SEC14L1: variants seen among roughly 807,000 people sequenced by gnomAD.
The protein encoded by SEC14L1 is SEC14-like protein 1.
A neutral mutation model predicts 85.3 loss-of-function variants in SEC14L1; 48 were observed. The observed-to-expected ratio is 0.56, with a 90% CI of 0.45 to 0.72. SEC14L1 has a LOEUF of 0.72. SEC14L1 is among the 30% of genes least tolerant of loss of function. The pLI, the probability that SEC14L1 is intolerant of heterozygous loss-of-function variation, is 0.00. For synonymous variants in SEC14L1, 391 were observed against 355.5 expected (o/e 1.10, Z -1.12); for missense variants, 682 against 921.4 (o/e 0.74, Z 3.36).
At chr17:77,176,896 A>G (rs1383534785) in intron 3 of SEC14L1, among the ~76,000 whole-genome samples, 1 of 151,984 alleles carries the variant, frequency 6.6e-6, no homozygotes, top group Admixed American at 6.6e-5. Context: ...CAATTATGTT[A>G]TTTTTAACTA....
At chr17:77,194,653 C>G in intron 6 of SEC14L1, 24 bp from the exon 7 acceptor site, 1 of 1,581,532 alleles carries the variant, frequency 6.3e-7, no homozygotes, top group South Asian at 1.1e-5. Context: ...ATATACTCAC[C>G]TTTAAATTGG....
At chr17:77,140,559 T>C (rs1972951138), upstream of SEC14L1, among the ~76,000 whole-genome samples, 1 of 152,228 alleles carries the variant, frequency 6.6e-6, no homozygotes, top group African/African-American at 2.4e-5. Context: ...CCGGTGGTTT[T>C]GACCTCCCGC....
chr17:77,125,038 T>C (rs1017822393), intron 3 of SEC14L1, among the ~76,000 whole-genome samples: 17 of 151,324 alleles, frequency 1.1e-4, no homozygotes, highest in African/African-American at 4.1e-4. Context: ...AGAGTCTCGC[T>C]TTGTTGCTCA....
chr17:77,204,535 T>C (rs908404357), intron 10 of SEC14L1, among the ~76,000 whole-genome samples: 18 of 149,072 alleles, frequency 1.2e-4, no homozygotes, highest in African/African-American at 3.2e-4. Context: ...TTTTTTTTTT[T>C]TTTTTTTTTT....
intron 3 of SEC14L1, among the ~76,000 whole-genome samples, chr17:77,129,795 C>G (rs1972560362): frequency 6.6e-6 from 1 of 152,128 alleles, no homozygotes; most frequent in Non-Finnish European, 1.5e-5. Context: ...GATGTGGCCT[C>G]TGGTCTATAC....
At position 77,180,174 on chromosome 17, in the gene SEC14L1, G is replaced by C. The variant is rs547944426; in HGVS notation, c.64-10629G>C. Among the ~76,000 whole-genome samples, 7 of 151,834 alleles carry C rather than the reference G, an allele frequency of 4.6e-5. No individual in the cohort carries two copies. In the South Asian group the frequency reaches 1.2e-3, roughly 27 times the overall value. The stretch of plus-strand genomic sequence containing the variant: ...GCTGGAGTGCAGTGGCGTGATCTTG[G>C]TTCACTGCAACCCCTGCCTCCTGGT... On this transcript the variant is annotated intron_variant, in intron 3 of 16. Transcript: ENST00000436233.
chr17:77,203,964 G>C (rs1006771958), intron 10 of SEC14L1, among the ~76,000 whole-genome samples: 7 of 151,882 alleles, frequency 4.6e-5, no homozygotes, highest in Middle Eastern at 3.2e-3. Context: ...ACTCACAGCA[G>C]ACCTCTTGAT....
chr17:77,117,178 T>G (rs184344360), intron 3 of SEC14L1, among the ~76,000 whole-genome samples: 12 of 152,154 alleles, frequency 7.9e-5, no homozygotes, highest in Admixed American at 1.3e-4. Flanking sequence ...TAAAACCCTG[T>G]CTCTACTAAA....
chr17:77,205,157 A>T, intron 10 of SEC14L1, 119 bp from the exon 11 acceptor site: 1 of 785,052 alleles, frequency 1.3e-6, no homozygotes, highest in Non-Finnish European at 2.2e-6. Context: ...TCCATAGGTG[A>T]CTTTTTTGAT....
At chr17:77,089,253 A>G in exon 2 of SEC14L1, 1 of 378,720 alleles carries the variant, frequency 2.6e-6, no homozygotes, top group Non-Finnish European at 5.2e-6. Context: ...ATTCGAAGTG[A>G]CCTCAGCAGG....
chr17:77,131,905 C>A (rs1266214630), intron 3 of SEC14L1, among the ~76,000 whole-genome samples: 1 of 152,148 alleles, frequency 6.6e-6, no homozygotes, highest in Non-Finnish European at 1.5e-5. Context: ...GGGAGTTTGC[C>A]TCTCCAGATT....
chr17:77,105,384 C>A lies in SEC14L1; in HGVS notation c.-136+12037C>A, dbSNP rs571028517. Among the ~76,000 whole-genome samples the A allele has an allele frequency of 3.8e-5, 4 of 105,214 alleles. No homozygotes were observed. In the South Asian group the frequency reaches 1.2e-3, roughly 31 times the overall value. 69.0% of individuals were successfully genotyped at this position (105,214 alleles called of 152,430 possible). ...GCTCCTCGCTGACCACCCCCCCCCC[C>A]ACCCCACGTAAAAAGAGTTCAAGGA... On this transcript the variant is annotated intron_variant, in intron 3 of 19. Coordinates refer to the SEC14L1 transcript ENST00000392476.
intron 3 of SEC14L1, among the ~76,000 whole-genome samples, chr17:77,106,667 A>AAAAT (rs896527118): frequency 3.0e-4 from 46 of 151,430 alleles, no homozygotes; most frequent in African/African-American, 9.5e-4. Context: ...TCCATCTCAA[A>AAAAT]AAATAAATAA....
chr17:77,171,147 A>C (rs576847642), intron 3 of SEC14L1, among the ~76,000 whole-genome samples: 2 of 152,214 alleles, frequency 1.3e-5, no homozygotes, highest in Admixed American at 1.3e-4. Context: ...ACTATCCACA[A>C]TTTACCTAGC....
At chr17:77,196,413 G>C in intron 8 of SEC14L1, 102 bp downstream of exon 8, 1 of 674,338 alleles carries the variant, frequency 1.5e-6, no homozygotes, top group East Asian at 2.9e-5. Flanking sequence ...CAACTTCCAC[G>C]GCTGGGAATG....
intron 3 of SEC14L1, among the ~76,000 whole-genome samples, chr17:77,163,988 A>G (rs914062276): frequency 1.3e-5 from 2 of 152,256 alleles, no homozygotes; most frequent in Admixed American, 1.3e-4. Flanking sequence ...CGCAATTTGC[A>G]AAATACTTAA....
chr17:77,213,717 C>A lies in SEC14L1; in HGVS notation c.2043-201C>A. 1 of 858,352 alleles carries A rather than the reference C, an allele frequency of 1.2e-6. No homozygotes were observed. The allele number at this position is 858,352 out of a possible 1,614,324, so 53.2% of individuals were successfully genotyped here. On this transcript the variant is annotated intron_variant, in intron 16 of 16. Transcript: ENST00000436233. The surrounding 1 kb of genome is among the most constrained non-coding windows in gnomAD (Gnocchi z 7.1). ...AGCCGACTGACTGCCTTTGCTTTAG[C>A]TCACACTGCCGTCTGCGTGCAGGCT...
rs762496008 is a variant in SEC14L1 at position 77,213,273 on chromosome 17, A to G, written c.1864-41A>G. On this transcript the variant is annotated intron_variant, in intron 15 of 16. Transcript: ENST00000436233. This position sits in a 1 kb window ranked among gnomAD's most constrained non-coding sequence, Gnocchi z 7.1. ...AGGCCTGTGGTAGGCCAGGGGTCGG[A>G]AGCGAGTCGCCCTCAGCTGCCACTG... The G allele has an allele frequency of 1.3e-6, 2 of 1,556,520 alleles. No homozygotes were observed. Among genetic ancestry groups the G allele is most frequent in the African/African-American group, 2.7e-5 (2 of 73,980 alleles).
At chr17:77,180,207 G>A (rs948803263) in intron 3 of SEC14L1, among the ~76,000 whole-genome samples, 2 of 150,746 alleles carry the variant, frequency 1.3e-5, no homozygotes, top group African/African-American at 2.4e-5. Context: ...GGTTTCAAGC[G>A]ATTCTCCTGC....
Sources: gnomAD v4.1 joint callset for allele counts (sites outside exome capture counted in the v4.1 genomes callset) on GRCh38, gnomAD v4.1.1 for gene constraint, Gnocchi (gnomAD v3.1) non-coding constraint, MANE v1.5 for transcripts, NCBI Gene and HGNC (gene_info 2026-07-23, HGNC 2026-07-21) for gene names.